PACRG: variants seen among roughly 807,000 people sequenced by gnomAD.
The protein encoded by PACRG is parkin coregulated.
PACRG carries 29 observed loss-of-function variants against 29.7 expected under a neutral mutation model. That is an observed-to-expected ratio of 0.98 (90% confidence interval 0.73 to 1.33). PACRG has a LOEUF of 1.33. Among genes scored for constraint, PACRG ranks in the 40% most tolerant of loss-of-function variants. The pLI, the probability that PACRG is intolerant of heterozygous loss-of-function variation, is 0.00. For missense variants in PACRG, 279 were observed against 316.2 expected, an observed-to-expected ratio of 0.88 and a Z score of 0.89; for synonymous variants, 116 against 118.7, an observed-to-expected ratio of 0.98 and a Z score of 0.15.
At chr6:163,293,706 G>A (rs961010516) in intron 4 of PACRG, among the ~76,000 whole-genome samples, 1 of 152,162 alleles carries the variant, frequency 6.6e-6, no homozygotes, top group African/African-American at 2.4e-5. Flanking sequence ...GTTACCATTA[G>A]AGAAAGTGAA....
At chr6:162,812,744 T>C (rs1201094529) in intron 1 of PACRG, among the ~76,000 whole-genome samples, 1 of 152,116 alleles carries the variant, frequency 6.6e-6, no homozygotes, top group Non-Finnish European at 1.5e-5. Context: ...CTTAAAGAGC[T>C]GAACAAAATA....
intron 2 of PACRG, among the ~76,000 whole-genome samples, chr6:162,894,512 A>G (rs1167413343): frequency 6.6e-6 from 1 of 152,188 alleles, no homozygotes; most frequent in Non-Finnish European, 1.5e-5. Context: ...GGGATGAAAA[A>G]AGGCAGTCAG....
intron 2 of PACRG, among the ~76,000 whole-genome samples, chr6:162,895,043 A>T (rs1443735438): frequency 2.6e-5 from 4 of 152,146 alleles, no homozygotes; most frequent in Non-Finnish European, 5.9e-5. Context: ...ACTTTTAGGT[A>T]ATTATAAAAT....
chr6:163,076,262 A>T (rs1262501694), intron 3 of PACRG, among the ~76,000 whole-genome samples: 1 of 152,164 alleles, frequency 6.6e-6, no homozygotes, highest in Non-Finnish European at 1.5e-5. Flanking sequence ...TTTGCTCGCC[A>T]TCTGGGACTA....
intron 2 of PACRG, among the ~76,000 whole-genome samples, chr6:162,947,617 T>TATATATATATATATATATAATC (rs1554313368): frequency 7.8e-5 from 3 of 38,340 alleles, no homozygotes; most frequent in Non-Finnish European, 1.4e-4. Flanking sequence ...TAATCATATA[T>TATATATATATATATATATAATC]ATATATATAT....
At chr6:162,882,283 C>G (rs920940278) in intron 2 of PACRG, among the ~76,000 whole-genome samples, 8 of 149,586 alleles carry the variant, frequency 5.3e-5, no homozygotes, top group Non-Finnish European at 1.0e-4. Context: ...AGGTTGGAGA[C>G]CCTGGGGTGC....
At chr6:163,159,989 C>G (rs1247479335) in intron 4 of PACRG, among the ~76,000 whole-genome samples, 1 of 152,108 alleles carries the variant, frequency 6.6e-6, no homozygotes, top group African/African-American at 2.4e-5. Flanking sequence ...GGCTGGCTTT[C>G]CCCATCAGGT....
chr6:162,941,288 T>G (rs990446918), intron 2 of PACRG, among the ~76,000 whole-genome samples: 2 of 152,210 alleles, frequency 1.3e-5, no homozygotes, highest in Non-Finnish European at 2.9e-5. Flanking sequence ...TCCCGCCCTG[T>G]GACTCCCTGT....
intron 2 of PACRG, among the ~76,000 whole-genome samples, chr6:162,908,917 T>A (rs1355603713): frequency 1.3e-5 from 2 of 152,188 alleles, no homozygotes; most frequent in Non-Finnish European, 2.9e-5. Context: ...ATTCCATGTC[T>A]CTGCTCTTCT....
intron 2 of PACRG, among the ~76,000 whole-genome samples, chr6:162,965,197 T>A (rs1800929250): frequency 6.6e-6 from 1 of 152,146 alleles, no homozygotes; most frequent in Non-Finnish European, 1.5e-5. Context: ...CATAATTGCA[T>A]TTACAAGTAC....
intron 4 of PACRG, among the ~76,000 whole-genome samples, chr6:163,228,057 C>T (rs1484515936): frequency 1.3e-5 from 2 of 151,998 alleles, no homozygotes; most frequent in Admixed American, 6.6e-5. Context: ...GGAAATGTAT[C>T]CAGAAGGTTA....
intron 4 of PACRG, among the ~76,000 whole-genome samples, chr6:163,226,543 C>T (rs1466938059): frequency 1.3e-5 from 2 of 152,182 alleles, no homozygotes; most frequent in African/African-American, 2.4e-5. Flanking sequence ...AACGGCTGGG[C>T]AGGAGAGGTT....
intron 2 of PACRG, among the ~76,000 whole-genome samples, chr6:162,988,695 C>T (rs1005697354): frequency 2.0e-5 from 3 of 152,076 alleles, no homozygotes; most frequent in Admixed American, 6.6e-5. Context: ...GTTTTATGTG[C>T]AGCATATTCA....
chr6:163,224,366 C>T (rs1781700812), intron 4 of PACRG, among the ~76,000 whole-genome samples: 1 of 25,368 alleles, frequency 3.9e-5, no homozygotes, highest in Non-Finnish European at 7.3e-5. Flanking sequence ...GAGACTCCAT[C>T]TCAAAAAAAA....
rs143397388 is a variant in PACRG at position 163,301,304 on chromosome 6, CAGA to C, written c.614-13516_614-13514del. ...GATGACCACGTCTGGGTGCCATTTG[CAGA>C]AGAAGAGCCAGTCTTTTCCCCATTC... is the stretch of plus-strand genomic sequence containing the variant. On this transcript the variant is annotated intron_variant, in intron 4 of 4. Transcript: ENST00000366888. Among the ~76,000 whole-genome samples, 455 of 152,334 alleles carry C rather than the reference CAGA, an allele frequency of 3.0e-3. 1 individual carries two copies. The highest frequency in any genetic ancestry group is 0.01 in the African/African-American group (429 of 41,580).
intron 1 of PACRG, among the ~76,000 whole-genome samples, chr6:162,787,578 G>A (rs1331120969): frequency 0.011 from 556 of 51,342 alleles, 9 homozygotes; most frequent in African/African-American, 0.054. Context: ...GTGTGTGTGT[G>A]TGTGTATATA....
intron 4 of PACRG, among the ~76,000 whole-genome samples, chr6:163,260,249 C>G (rs1019769767): frequency 6.6e-6 from 1 of 152,272 alleles, no homozygotes; most frequent in African/African-American, 2.4e-5. Context: ...TGGGCTCTGC[C>G]TTGGTCTCTC....
intron 4 of PACRG, chr6:163,170,735 A>G (rs1021303341): frequency 3.3e-5 from 5 of 152,142 alleles, no homozygotes; most frequent in Non-Finnish European, 7.3e-5. Context: ...CATCTGGGTT[A>G]TTTTCACTTT....
intron 1 of PACRG, among the ~76,000 whole-genome samples, chr6:162,790,882 A>C (rs925267672): frequency 1.3e-5 from 2 of 152,212 alleles, no homozygotes; most frequent in African/African-American, 4.8e-5. Flanking sequence ...ATTGAGTTAC[A>C]TTTGACCAGA....
Sources: allele counts gnomAD v4.1 joint callset (sites outside exome capture counted in the v4.1 genomes callset), GRCh38; gene constraint gnomAD v4.1.1; transcripts MANE v1.5; gene names NCBI Gene and HGNC (gene_info 2026-07-23, HGNC 2026-07-21).